VPS8: variants seen among roughly 807,000 people sequenced by gnomAD.
VPS8 encodes the protein vacuolar protein sorting-associated protein 8 homolog.
In VPS8, 129 loss-of-function variants were observed where a neutral mutation model predicts 216.4. The ratio of observed to expected loss-of-function variants is 0.60; its 90% CI spans 0.52 to 0.69. VPS8 has a LOEUF of 0.69. VPS8 is among the 30% of genes least tolerant of loss of function. The pLI, the probability that VPS8 is intolerant of heterozygous loss-of-function variation, is 0.00. For synonymous variants in VPS8, 571 were observed against 565.4 expected (o/e 1.01, Z -0.14); for missense variants, 1,531 against 1,683.5 (o/e 0.91, Z 1.59).
rs954125665 is a variant in VPS8, at chr3:184,836,759, G to A, written c.448-1955G>A. 3.9e-5 allele frequency among the ~76,000 whole-genome samples: 6 copies of A among 152,262 alleles called. No individual in the cohort carries two copies. In the East Asian group the frequency reaches 1.2e-3, roughly 29 times the overall value. On this transcript the variant is annotated intron_variant, in intron 5 of 47. Coordinates refer to ENST00000625842, the MANE Select transcript of VPS8 (RefSeq NM_001009921.3). ...ATTGCTCAATAGTGCCTTCAGCCAT[G>A]TGGTTAGTGATGTTATTAGGGCTGT...
intron 39 of VPS8, among the ~76,000 whole-genome samples, chr3:184,968,590 A>G (rs1337928546): frequency 6.6e-6 from 1 of 152,152 alleles, no homozygotes; most frequent in Non-Finnish European, 1.5e-5. Context: ...GTGAGGTAGT[A>G]TCTAATTATG....
chr3:185,029,649 C>T (rs1476563172), intron 46 of VPS8, among the ~76,000 whole-genome samples: 1 of 151,832 alleles, frequency 6.6e-6, no homozygotes, highest in Admixed American at 6.6e-5. Context: ...ACTGCAACCT[C>T]CGCCTCCCAG....
At chr3:185,049,756 TG>T (rs1254834420) in intron 47 of VPS8, among the ~76,000 whole-genome samples, 12 of 152,318 alleles carry the variant, frequency 7.9e-5, no homozygotes, top group African/African-American at 2.9e-4. Flanking sequence ...TGCAAACTGC[TG>T]TGTCCTCTGC....
intron 38 of VPS8, among the ~76,000 whole-genome samples, chr3:184,965,953 C>A (rs1747335378): frequency 6.6e-6 from 1 of 152,152 alleles, no homozygotes; most frequent in African/African-American, 2.4e-5. Flanking sequence ...TTACTCATAA[C>A]CCAGTATATT....
At chr3:184,929,441 C>T (rs1740289562) in intron 32 of VPS8, 139 bp from the exon 33 acceptor site, 1 of 591,760 alleles carries the variant, frequency 1.7e-6, no homozygotes, top group East Asian at 3.4e-5. Context: ...CCTCTTGCCT[C>T]AGCCTCCCAA....
At chr3:184,862,026 CA>C (rs1726474344) in intron 15 of VPS8, among the ~76,000 whole-genome samples, 1 of 152,048 alleles carries the variant, frequency 6.6e-6, no homozygotes, top group African/African-American at 2.4e-5. Flanking sequence ...GGCTAATATA[CA>C]GTAATAGAGT....
At chr3:184,901,260 T>C in intron 25 of VPS8, 1 of 324,704 alleles carries the variant, frequency 3.1e-6, no homozygotes. Context: ...TATGTAACCT[T>C]TGGTGTTTTA....
At chr3:184,937,638 A>G (rs1029969666) in intron 35 of VPS8, among the ~76,000 whole-genome samples, 1 of 152,238 alleles carries the variant, frequency 6.6e-6, no homozygotes, top group Admixed American at 6.5e-5. Context: ...AAGAATGCCC[A>G]GAGATCCCTA....
At chr3:185,034,620 TG>T (rs1758629347) in intron 46 of VPS8, among the ~76,000 whole-genome samples, 13 of 152,118 alleles carry the variant, frequency 8.5e-5, no homozygotes, top group Admixed American at 4.6e-4. Flanking sequence ...TTGTTGTTGT[TG>T]TTGTTGTTGT....
chr3:184,962,948 T>G (rs894111787), intron 37 of VPS8, among the ~76,000 whole-genome samples: 2 of 152,138 alleles, frequency 1.3e-5, no homozygotes, highest in East Asian at 1.9e-4. Flanking sequence ...TTATTATCCA[T>G]TCCTCACTGA....
At chr3:184,878,334 C>T (rs1046700113) in intron 21 of VPS8, among the ~76,000 whole-genome samples, 5 of 152,144 alleles carry the variant, frequency 3.3e-5, no homozygotes, top group Non-Finnish European at 5.9e-5. Context: ...TGGTCTCAAA[C>T]TTCTGACCTC....
At chr3:184,886,540 T>C (rs1424233999) in intron 22 of VPS8, among the ~76,000 whole-genome samples, 2 of 142,222 alleles carry the variant, frequency 1.4e-5, no homozygotes, top group East Asian at 3.0e-4. Context: ...CACACACACA[T>C]ATGTATACAC....
At chr3:184,994,112 G>A (rs914334020) in intron 43 of VPS8, 49 bp downstream of exon 43, 7 of 1,362,894 alleles carry the variant, frequency 5.1e-6, no homozygotes, top group Non-Finnish European at 6.8e-6. Flanking sequence ...GTAGAAAAAT[G>A]CTATTTTTTT....
intron 15 of VPS8, among the ~76,000 whole-genome samples, chr3:184,861,287 C>T (rs1391713878): frequency 1.3e-5 from 2 of 152,138 alleles, no homozygotes; most frequent in African/African-American, 4.8e-5. Flanking sequence ...TCTGTAGATG[C>T]ATGAATATAG....
At chr3:184,832,273 A>G (rs953795250) in intron 3 of VPS8, among the ~76,000 whole-genome samples, 1 of 151,890 alleles carries the variant, frequency 6.6e-6, no homozygotes, top group African/African-American at 2.4e-5. Context: ...ACTGTTTCCT[A>G]CCCAGAATGC....
chr3:184,944,268 A>T (rs1007378466), intron 36 of VPS8, among the ~76,000 whole-genome samples: 1 of 152,222 alleles, frequency 6.6e-6, no homozygotes, highest in African/African-American at 2.4e-5. Flanking sequence ...GCATCTGTAC[A>T]TAGAAAGATT....
intron 34 of VPS8, among the ~76,000 whole-genome samples, chr3:184,931,796 T>A (rs1457917372): frequency 2.0e-5 from 3 of 152,180 alleles, no homozygotes; most frequent in Non-Finnish European, 4.4e-5. Context: ...TTCCCTTTAA[T>A]CATTTAGTAT....
chr3:184,979,891 G>C (rs528433083), intron 40 of VPS8, among the ~76,000 whole-genome samples: 1 of 152,184 alleles, frequency 6.6e-6, no homozygotes, highest in Non-Finnish European at 1.5e-5. Context: ...GCTTTATGGC[G>C]TCAGTGGTCT....
intron 3 of VPS8, among the ~76,000 whole-genome samples, chr3:184,828,281 AG>A (rs1438404847): frequency 6.6e-6 from 1 of 152,104 alleles, no homozygotes; most frequent in African/African-American, 2.4e-5. Context: ...CTGGGATTAC[AG>A]GTGCCCACCA....
Sources: gnomAD v4.1 joint callset for allele counts (sites outside exome capture counted in the v4.1 genomes callset) on GRCh38, gnomAD v4.1.1 for gene constraint, MANE v1.5 for transcripts, NCBI Gene and HGNC (gene_info 2026-07-23, HGNC 2026-07-21) for gene names.